GSE1: variants seen among roughly 807,000 people sequenced by gnomAD.
GSE1 encodes genetic suppressor element 1.
GSE1 carries 32 observed loss-of-function variants against 112.6 expected under a neutral mutation model. The ratio of observed to expected loss-of-function variants is 0.28; its 90% CI spans 0.21 to 0.38. GSE1 has a LOEUF of 0.38. GSE1 is among the 10% of genes least tolerant of loss of function. GSE1 has a pLI of 1.00. For missense variants in GSE1, 2,348 were observed against 1,699.2 expected, an observed-to-expected ratio of 1.38 and a Z score of -6.71; for synonymous variants, 1,115 against 735.6, an observed-to-expected ratio of 1.52 and a Z score of -8.35.
At chr16:85,438,388 C>A (rs2049301969) in intron 2 of GSE1, among the ~76,000 whole-genome samples, 1 of 152,174 alleles carries the variant, frequency 6.6e-6, no homozygotes, top group South Asian at 2.1e-4. Context: ...GGGGCGCACC[C>A]CGCTCTGTTC....
At chr16:85,317,708 G>A (rs1010321620) in intron 1 of GSE1, among the ~76,000 whole-genome samples, 2 of 152,048 alleles carry the variant, frequency 1.3e-5, no homozygotes, top group Non-Finnish European at 1.5e-5. Context: ...CACAGTGAAC[G>A]CTGGTGAGCA....
At position 85,373,252 on chromosome 16, in the gene GSE1, A is replaced by C. The variant is rs1025101883; in HGVS notation, c.2464+15609A>C. Among the ~76,000 whole-genome samples the C allele has an allele frequency of 1.3e-5, 2 of 152,172 alleles. No individual in the cohort carries two copies. The highest frequency in any genetic ancestry group is 2.9e-5 in the Non-Finnish European group (2 of 68,008). On this transcript the variant is annotated intron_variant, in intron 2 of 2. Transcript: ENST00000637419. This position sits in a 1 kb window ranked among gnomAD's most constrained non-coding sequence, Gnocchi z 5.1. ...GGTGCTCCCAGGGATGGATCGCTCC[A>C]TGCTGGGATCCCCCACTCTCACGCG...
At chr16:85,432,247 T>C (rs752710255) in intron 2 of GSE1, among the ~76,000 whole-genome samples, 5 of 152,250 alleles carry the variant, frequency 3.3e-5, no homozygotes, top group African/African-American at 9.6e-5. Flanking sequence ...CACGCCCAGA[T>C]GGAGGAGGGA....
chr16:85,174,959 A>T (rs2074431239), intron 1 of GSE1, among the ~76,000 whole-genome samples: 1 of 152,118 alleles, frequency 6.6e-6, no homozygotes, highest in Non-Finnish European at 1.5e-5. Flanking sequence ...TGGGATGAGG[A>T]GGGCAGTGGA....
chr16:85,339,976 A>G (rs1277984513), intron 1 of GSE1, among the ~76,000 whole-genome samples: 1 of 152,210 alleles, frequency 6.6e-6, no homozygotes. Context: ...AAAATTCACT[A>G]ACAGGCTTGT....
At chr16:85,213,667 A>G (rs1030174128) in intron 1 of GSE1, among the ~76,000 whole-genome samples, 1 of 152,216 alleles carries the variant, frequency 6.6e-6, no homozygotes. Context: ...TGTGTGAGGA[A>G]GACACCCCCA....
intron 1 of GSE1, among the ~76,000 whole-genome samples, chr16:85,260,325 T>TC (rs1191960565): frequency 7.4e-6 from 1 of 134,816 alleles, no homozygotes; most frequent in African/African-American, 2.8e-5. Flanking sequence ...TTTTCTTTTT[T>TC]TTTTTTTTTT....
chr16:85,303,669 G>A (rs1169239312), intron 1 of GSE1, among the ~76,000 whole-genome samples: 1 of 152,262 alleles, frequency 6.6e-6, no homozygotes, highest in Non-Finnish European at 1.5e-5. Flanking sequence ...ACCAGGTTAG[G>A]AAACACGGCG....
Position 85,668,267 on chromosome 16 carries a change from C to A in GSE1, c.3258C>A (p.Pro1086=). 6.2e-7 allele frequency: 1 copy of A among 1,611,852 alleles called. No homozygotes were observed. The highest frequency in any genetic ancestry group is 2.2e-5 in the East Asian group (1 of 44,862). Residue 1086 remains proline, a synonymous_variant, in exon 14 of 16, where the codon CCC becomes CCA. Transcript: ENST00000253458. The part of the protein sequence containing the change: ...PPQHNGQQEP[P]TARKGPPTQE... ...AGCACAATGGGCAGCAGGAGCCCCC[C>A]ACTGCAAGGAAGGGCCCCCCAACCC...
chr16:85,455,407 GAAAGA>G (rs552339456), intron 2 of GSE1, among the ~76,000 whole-genome samples: 2,328 of 152,008 alleles, frequency 0.015, 22 homozygotes, highest in Non-Finnish European at 0.023. Flanking sequence ...GAGAGAGAAA[GAAAGA>G]AAAGAAAAGA....
chr16:85,427,599 G>A (rs533087396), intron 2 of GSE1, among the ~76,000 whole-genome samples: 7 of 152,278 alleles, frequency 4.6e-5, no homozygotes, highest in South Asian at 2.1e-4. Flanking sequence ...CCAAGATCGC[G>A]CCACTGCACT....
chr16:85,335,685 G>C (rs2046467714), intron 1 of GSE1, among the ~76,000 whole-genome samples: 1 of 152,248 alleles, frequency 6.6e-6, no homozygotes, highest in Non-Finnish European at 1.5e-5. Context: ...AGTGACAGCA[G>C]CAATAACACT....
At chr16:85,353,975 C>T (rs781456151) in intron 1 of GSE1, among the ~76,000 whole-genome samples, 55 of 152,208 alleles carry the variant, frequency 3.6e-4, no homozygotes, top group Admixed American at 3.2e-3. Flanking sequence ...ATCTTGTGTG[C>T]GTTCCTGCCT....
intron 1 of GSE1, among the ~76,000 whole-genome samples, chr16:85,333,934 A>T (rs937923462): frequency 6.6e-6 from 1 of 152,184 alleles, no homozygotes; most frequent in African/African-American, 2.4e-5. Flanking sequence ...GCATGGCAGG[A>T]TGCTGAGCTA....
intron 1 of GSE1, among the ~76,000 whole-genome samples, chr16:85,557,408 G>A (rs1316623147): frequency 6.6e-6 from 1 of 152,180 alleles, no homozygotes; most frequent in African/African-American, 2.4e-5. Flanking sequence ...GGGTGTGTGT[G>A]GGTGGGGAGG....
At chr16:85,463,345 A>C (rs935868735) in intron 2 of GSE1, among the ~76,000 whole-genome samples, 1 of 152,092 alleles carries the variant, frequency 6.6e-6, no homozygotes, top group Admixed American at 6.5e-5. Context: ...TCAAGTAGAA[A>C]ACCCTTGACC....
At chr16:85,613,538 A>G in intron 1 of GSE1, 140 bp downstream of exon 1, 1 of 810,054 alleles carries the variant, frequency 1.2e-6, no homozygotes, top group Non-Finnish European at 1.9e-6. Context: ...CGGCGATAAG[A>G]GCCGGGAGGG....
intron 2 of GSE1, 50 bp downstream of exon 2, chr16:85,634,182 C>G: frequency 7.8e-7 from 1 of 1,285,216 alleles, no homozygotes; most frequent in South Asian, 1.7e-5. Context: ...GCTCCCGAGG[C>G]CGGGACTCAG....
upstream of GSE1, chr16:85,554,750 TC>T (rs925091872): frequency 4.9e-5 from 21 of 430,756 alleles, no homozygotes; most frequent in African/African-American, 5.8e-4. Context: ...GAGGGCGAAC[TC>T]CCGGCTCCCG....
Sources: gnomAD v4.1 joint callset for allele counts (sites outside exome capture counted in the v4.1 genomes callset) on GRCh38, gnomAD v4.1.1 for gene constraint, Gnocchi (gnomAD v3.1) non-coding constraint, MANE v1.5 for transcripts, NCBI Gene and HGNC (gene_info 2026-07-23, HGNC 2026-07-21) for gene names.